GCH1: variants seen among roughly 807,000 people sequenced by gnomAD.
GCH1 encodes the protein GTP cyclohydrolase I.
Under a neutral mutation model 25.9 loss-of-function variants are expected in GCH1, and 5 were observed. The ratio of observed to expected loss-of-function variants is 0.19; its 90% CI spans 0.10 to 0.41. The LOEUF (loss-of-function observed/expected upper bound fraction) is 0.41. Ranked by LOEUF, GCH1 falls within the 10% of genes least tolerant of loss-of-function variation. GCH1 has a pLI of 1.00. For missense variants in GCH1, 261 were observed against 336.5 expected (o/e 0.78, Z 1.75); for synonymous variants, 159 against 129.6 (o/e 1.23, Z -1.54).
intron 1 of GCH1, chr14:54,878,112 G>C (rs1402281237): frequency 1.3e-5 from 2 of 154,734 alleles, no homozygotes; most frequent in Admixed American, 6.5e-5. Flanking sequence ...GAGAAAGTGA[G>C]GGAAAAAGGT....
intron 3 of GCH1, among the ~76,000 whole-genome samples, chr14:54,857,475 T>C (rs1043410237): frequency 3.9e-5 from 6 of 152,204 alleles, no homozygotes; most frequent in African/African-American, 9.6e-5. Context: ...CAAGCTTTTT[T>C]ACACTATGAA....
chr14:54,859,564 T>C (rs1483373467), intron 3 of GCH1, 117 bp downstream of exon 3: 4 of 753,188 alleles, frequency 5.3e-6, no homozygotes, highest in Non-Finnish European at 9.8e-6. Context: ...AGTTGCAATA[T>C]GACTTCCAAG....
At chr14:54,900,371 G>A (rs1209118227) in intron 1 of GCH1, among the ~76,000 whole-genome samples, 4 of 151,136 alleles carry the variant, frequency 2.6e-5, no homozygotes, top group Non-Finnish European at 4.4e-5. Context: ...CATCACACCC[G>A]GCTAATTTTT....
At chr14:54,861,542 G>A (rs893989786) in intron 2 of GCH1, among the ~76,000 whole-genome samples, 2 of 151,874 alleles carry the variant, frequency 1.3e-5, no homozygotes, top group African/African-American at 4.8e-5. Flanking sequence ...GGCCAACATG[G>A]TGAGACCCCA....
intron 1 of GCH1, among the ~76,000 whole-genome samples, chr14:54,891,293 TG>T (rs201543736): frequency 0.039 from 5,858 of 151,584 alleles, 419 homozygotes; most frequent in African/African-American, 0.14. Flanking sequence ...TTAGTAGAGA[TG>T]GGGGTTTCAC....
intron 5 of GCH1, 38 bp downstream of exon 5, chr14:54,845,730 C>G (rs1474556876): frequency 9.4e-7 from 1 of 1,063,380 alleles, no homozygotes; most frequent in East Asian, 2.4e-5. Flanking sequence ...ACTTCTAGTG[C>G]ACCATTATGA....
In GCH1 at chr14:54,894,140, T is replaced by TA. The variant is rs573028450; in HGVS notation, c.343+8180dup. Among the ~76,000 whole-genome samples the TA allele has an allele frequency of 6.6e-5, 10 of 152,298 alleles. No individual in the cohort carries two copies. The East Asian group carries it at 1.9e-3, about 29-fold the overall frequency. On this transcript the variant is annotated intron_variant, in intron 1 of 5. Transcript: ENST00000491895. ...GAATTGTGCCATTCGCCAAAAAAGA[T>TA]ATGTTGAAGTCCTAAACCCCAGGTA... is the stretch of plus-strand genomic sequence containing the variant.
At chr14:54,853,146 T>G (rs564784277) in intron 3 of GCH1, among the ~76,000 whole-genome samples, 3 of 152,212 alleles carry the variant, frequency 2.0e-5, no homozygotes, top group African/African-American at 7.2e-5. Context: ...GTATTTTTAG[T>G]AGAGATGGGG....
intron 1 of GCH1, among the ~76,000 whole-genome samples, chr14:54,891,039 T>G (rs189742191): frequency 9.5e-4 from 145 of 152,302 alleles, no homozygotes; most frequent in Non-Finnish European, 1.6e-3. Flanking sequence ...CAGTTACCCT[T>G]GGTCAAACAT....
At position 54,886,276 on chromosome 14, in the gene GCH1, G is replaced by C. The variant is rs1366556162; in HGVS notation, c.343+16045C>G. The C allele has an allele frequency of 2.6e-5, 4 of 152,828 alleles. No individual in the cohort carries two copies. In the East Asian group the frequency reaches 7.7e-4, roughly 29 times the overall value. The allele number at this position is 152,828 out of a possible 1,614,324, so 9.5% of individuals were successfully genotyped here. ...TTTTTCAAATTAAATTTTACATTTA[G>C]TTTGTGATTTCTTTCAAGCCCTACC... On this transcript the variant is annotated intron_variant, in intron 1 of 5. Coordinates refer to ENST00000491895, the MANE Select transcript of GCH1 (RefSeq NM_000161.3).
chr14:54,893,327 T>C (rs116626090), intron 1 of GCH1, among the ~76,000 whole-genome samples: 1 of 152,310 alleles, frequency 6.6e-6, no homozygotes, highest in East Asian at 1.9e-4. Flanking sequence ...TGGGATCCAA[T>C]GATTAGACAG....
At chr14:54,896,710 A>G (rs1435928894) in intron 1 of GCH1, among the ~76,000 whole-genome samples, 1 of 151,784 alleles carries the variant, frequency 6.6e-6, no homozygotes, top group Non-Finnish European at 1.5e-5. Context: ...CAGGAGATCA[A>G]GACCATCCTG....
intron 1 of GCH1, among the ~76,000 whole-genome samples, chr14:54,900,855 A>T (rs1335665584): frequency 7.3e-6 from 1 of 136,114 alleles, no homozygotes; most frequent in South Asian, 2.4e-4. Context: ...TCACACACAC[A>T]CACACACACA....
At chr14:54,853,061 T>A (rs1249074737) in intron 3 of GCH1, among the ~76,000 whole-genome samples, 1 of 152,186 alleles carries the variant, frequency 6.6e-6, no homozygotes, top group African/African-American at 2.4e-5. Context: ...CCTCCCGGGT[T>A]CAAGCAATTC....
chr14:54,879,229 T>C (rs1365955388), intron 1 of GCH1, among the ~76,000 whole-genome samples: 2 of 151,960 alleles, frequency 1.3e-5, no homozygotes, highest in African/African-American at 4.8e-5. Flanking sequence ...AAAACCAGCC[T>C]GGCCAACATA....
Position 54,902,308 on chromosome 14 carries a change from C to CG in GCH1, c.343+12dup, listed in dbSNP as rs759191308. The CG allele has an allele frequency of 2.9e-5, 46 of 1,610,990 alleles. No homozygotes were observed. The African/African-American group carries it at 5.9e-4, about 21-fold the overall frequency. ...GCCGCCCGCACGCTCTAGCAGCCCGCGGGCGCACTGACCTGAGATGGTCTC... is the reference window on the plus strand; with the variant it reads ...GCCGCCCGCACGCTCTAGCAGCCCGCGGGGCGCACTGACCTGAGATGGTCTC... On this transcript the variant is annotated intron_variant, in intron 1 of 5. Coordinates refer to ENST00000491895, the MANE Select transcript of GCH1 (RefSeq NM_000161.3).
In GCH1 at chr14:54,889,477, C is replaced by T. The variant is rs186028061; in HGVS notation, c.343+12844G>A. On this transcript the variant is annotated intron_variant, in intron 1 of 5. Transcript: ENST00000491895. The stretch of plus-strand genomic sequence containing the variant: ...AAAAACTAATGTGTGATACATAAAA[C>T]ACATCACACTTCACAGGAAGAGCCA... 1.7e-3 allele frequency among the ~76,000 whole-genome samples: 263 copies of T among 152,272 alleles called. 1 individual carries two copies. The highest frequency in any genetic ancestry group is 5.8e-3 in the African/African-American group (241 of 41,558).
chr14:54,865,511 C>G, intron 1 of GCH1, 75 bp from the exon 2 acceptor site: 2 of 753,002 alleles, frequency 2.7e-6, no homozygotes, highest in East Asian at 2.6e-5. Context: ...CATGAATAGA[C>G]AGTCAACATA....
chr14:54,897,531 C>T (rs1371099746), intron 1 of GCH1, among the ~76,000 whole-genome samples: 2 of 150,042 alleles, frequency 1.3e-5, no homozygotes, highest in African/African-American at 4.9e-5. Context: ...TCAGGTGATC[C>T]ACCCGCCTCG....
Sources: gnomAD v4.1 joint callset for allele counts (sites outside exome capture counted in the v4.1 genomes callset) on GRCh38, gnomAD v4.1.1 for gene constraint, MANE v1.5 for transcripts, NCBI Gene and HGNC (gene_info 2026-07-23, HGNC 2026-07-21) for gene names.